The following DIAPH3 variants were observed in gnomAD, a reference collection of about 807,000 sequenced individuals.
The protein encoded by DIAPH3 is diaphanous related formin 3.
A neutral mutation model predicts 144.3 loss-of-function variants in DIAPH3; 117 were observed. The ratio of observed to expected loss-of-function variants is 0.81; its 90% CI spans 0.70 to 0.95. The LOEUF is 0.95. Among genes scored for constraint, DIAPH3 ranks in the 40% least tolerant of loss-of-function variants. DIAPH3 has a pLI of 0.00. For synonymous variants in DIAPH3, 519 were observed against 488.9 expected (o/e 1.06, Z -0.81); for missense variants, 1,421 against 1,412.7 (o/e 1.01, Z -0.09).
intron 25 of DIAPH3, among the ~76,000 whole-genome samples, chr13:59,779,299 T>C (rs1322063023): frequency 6.6e-6 from 1 of 152,136 alleles, no homozygotes; most frequent in Non-Finnish European, 1.5e-5. Flanking sequence ...TCCTGACATA[T>C]GCAATACAGA....
chr13:59,978,035 G>A (rs757188504), intron 14 of DIAPH3, among the ~76,000 whole-genome samples: 7 of 151,716 alleles, frequency 4.6e-5, no homozygotes, highest in African/African-American at 9.7e-5. Context: ...ATGACTAGGT[G>A]AGGGACCTTT....
At chr13:60,155,750 AAGAGCATTT>A (rs1431051516) in intron 1 of DIAPH3, among the ~76,000 whole-genome samples, 5 of 152,354 alleles carry the variant, frequency 3.3e-5, no homozygotes, top group African/African-American at 1.2e-4. Context: ...AAAAATCAAA[AAGAGCATTT>A]AGATATCACC....
intron 4 of DIAPH3, among the ~76,000 whole-genome samples, chr13:60,068,258 A>G (rs911201744): frequency 1.3e-5 from 2 of 151,996 alleles, no homozygotes; most frequent in Non-Finnish European, 2.9e-5. Flanking sequence ...GAGAATGCAT[A>G]TTTTCTTTTT....
chr13:60,117,682 C>T (rs973247093), intron 2 of DIAPH3, among the ~76,000 whole-genome samples: 2 of 152,098 alleles, frequency 1.3e-5, no homozygotes, highest in Non-Finnish European at 2.9e-5. Flanking sequence ...GGAAAAATCA[C>T]TCCTAATCTA....
chr13:59,946,210 CA>C (rs746639659), intron 17 of DIAPH3, among the ~76,000 whole-genome samples: 29 of 152,084 alleles, frequency 1.9e-4, no homozygotes, highest in Non-Finnish European at 3.2e-4. Flanking sequence ...AACAATCTTC[CA>C]CTTTTTTGTA....
intron 27 of DIAPH3, among the ~76,000 whole-genome samples, chr13:59,756,006 T>C (rs552107271): frequency 3.3e-5 from 5 of 152,250 alleles, no homozygotes; most frequent in African/African-American, 1.2e-4. Context: ...TCAAAACAGA[T>C]AAAGGTGATC....
intron 27 of DIAPH3, among the ~76,000 whole-genome samples, chr13:59,682,306 A>C (rs2032987313): frequency 6.6e-6 from 1 of 152,180 alleles, no homozygotes; most frequent in African/African-American, 2.4e-5. Context: ...CTAACCACAA[A>C]AATCTTGCTC....
At chr13:59,710,791 T>C (rs1310532763) in intron 27 of DIAPH3, among the ~76,000 whole-genome samples, 1 of 152,196 alleles carries the variant, frequency 6.6e-6, no homozygotes, top group Admixed American at 6.5e-5. Context: ...TACTACCTCC[T>C]TTTTCAGAAC....
At chr13:60,049,840 G>C (rs1156488795) in intron 4 of DIAPH3, among the ~76,000 whole-genome samples, 1 of 152,086 alleles carries the variant, frequency 6.6e-6, no homozygotes, top group Non-Finnish European at 1.5e-5. Context: ...TGAGTGATAG[G>C]GGAAATAGCT....
intron 17 of DIAPH3, among the ~76,000 whole-genome samples, chr13:59,965,844 G>A (rs912214939): frequency 6.6e-6 from 1 of 152,080 alleles, no homozygotes; most frequent in Admixed American, 6.6e-5. Flanking sequence ...TATCCCCAAT[G>A]TCAAGCATGA....
intron 27 of DIAPH3, among the ~76,000 whole-genome samples, chr13:59,718,935 A>C (rs1177552304): frequency 6.6e-6 from 1 of 152,126 alleles, no homozygotes; most frequent in African/African-American, 2.4e-5. Flanking sequence ...CCCCCACCTA[A>C]CTGATAACTT....
chr13:59,983,199 C>G (rs1323012916), intron 13 of DIAPH3, among the ~76,000 whole-genome samples: 1 of 109,726 alleles, frequency 9.1e-6, no homozygotes. Context: ...TGAGTCATTC[C>G]AAGTTTAAAA....
intron 17 of DIAPH3, among the ~76,000 whole-genome samples, chr13:59,937,549 T>G (rs1481702440): frequency 3.3e-5 from 5 of 152,132 alleles, no homozygotes; most frequent in African/African-American, 1.2e-4. Context: ...CAATGCCACA[T>G]TAAATCATAG....
At chr13:59,802,671 T>TC (rs2039990134) in intron 25 of DIAPH3, among the ~76,000 whole-genome samples, 1 of 52,994 alleles carries the variant, frequency 1.9e-5, no homozygotes, top group Non-Finnish European at 4.0e-5. Flanking sequence ...ATTATTATTT[T>TC]TTTTTTTTTT....
chr13:60,021,515 T>C (rs1210115493), intron 5 of DIAPH3, among the ~76,000 whole-genome samples: 1 of 151,772 alleles, frequency 6.6e-6, no homozygotes, highest in African/African-American at 2.4e-5. Flanking sequence ...TCCCAGCTAC[T>C]TGGGAGGCTG....
intron 27 of DIAPH3, among the ~76,000 whole-genome samples, chr13:59,748,328 G>A (rs1054789360): frequency 6.6e-6 from 1 of 152,092 alleles, no homozygotes; most frequent in Admixed American, 6.6e-5. Flanking sequence ...TGATCATTAC[G>A]GAAATCTATC....
At chr13:59,992,306 A>G in intron 10 of DIAPH3, 120 bp from the exon 11 acceptor site, 2 of 1,035,698 alleles carry the variant, frequency 1.9e-6, no homozygotes, top group Non-Finnish European at 2.9e-6. Context: ...GAACATTTAA[A>G]GTGTTAAATA....
chr13:59,899,567 T>C (rs1254147744), intron 20 of DIAPH3, among the ~76,000 whole-genome samples: 1 of 152,172 alleles, frequency 6.6e-6, no homozygotes, highest in African/African-American at 2.4e-5. Context: ...TGGTAGAAGA[T>C]GAGGTAAGAA....
chr13:59,705,826 A>C (rs1479551492), intron 27 of DIAPH3, among the ~76,000 whole-genome samples: 4 of 152,164 alleles, frequency 2.6e-5, no homozygotes, highest in Non-Finnish European at 5.9e-5. Context: ...GATTTCTCAA[A>C]TCCTGTATTT....
Sources: gnomAD v4.1 joint callset for allele counts (sites outside exome capture counted in the v4.1 genomes callset) on GRCh38, gnomAD v4.1.1 for gene constraint, MANE v1.5 for transcripts, NCBI Gene and HGNC (gene_info 2026-07-23, HGNC 2026-07-21) for gene names.